Variants in GALNT14 observed in about 807,000 individuals in gnomAD.
The protein encoded by GALNT14 is UDP-GalNAc:polypeptide N-acetylgalactosaminyltransferase 14.
GALNT14 carries 60 observed loss-of-function variants against 77.5 expected under a neutral mutation model. The ratio of observed to expected loss-of-function variants is 0.77; its 90% CI spans 0.63 to 0.96. The LOEUF (loss-of-function observed/expected upper bound fraction) is 0.96. Among genes scored for constraint, GALNT14 ranks in the 40% least tolerant of loss-of-function variants. The pLI is 0.00. For synonymous variants in GALNT14, 280 were observed against 281.7 expected (o/e 0.99, Z 0.06); for missense variants, 710 against 731.0 (o/e 0.97, Z 0.33).
At chr2:31,095,069 A>G (rs969595258) in intron 1 of GALNT14, among the ~76,000 whole-genome samples, 2 of 152,208 alleles carry the variant, frequency 1.3e-5, no homozygotes, top group Non-Finnish European at 2.9e-5. Context: ...ACCAGTGATG[A>G]GCTGAGTTAA....
At chr2:31,078,610 T>C (rs771947129) in intron 1 of GALNT14, among the ~76,000 whole-genome samples, 12 of 152,192 alleles carry the variant, frequency 7.9e-5, no homozygotes, top group Non-Finnish European at 1.2e-4. Flanking sequence ...CCCATTCACC[T>C]TGTGCTGTGC....
At chr2:30,945,602 C>A (rs749808994) in intron 7 of GALNT14, among the ~76,000 whole-genome samples, 181 bp downstream of exon 7, 1 of 152,196 alleles carries the variant, frequency 6.6e-6, no homozygotes. Flanking sequence ...CTGCCCACCC[C>A]CTAGCCCTTC....
At chr2:31,040,108 T>G (rs1391027741) in intron 1 of GALNT14, among the ~76,000 whole-genome samples, 1 of 152,218 alleles carries the variant, frequency 6.6e-6, no homozygotes, top group African/African-American at 2.4e-5. Flanking sequence ...AACAAACTGT[T>G]TATTTCTATT....
chr2:30,995,446 G>C (rs1433931435), intron 1 of GALNT14, among the ~76,000 whole-genome samples: 1 of 152,088 alleles, frequency 6.6e-6, no homozygotes, highest in Non-Finnish European at 1.5e-5. Flanking sequence ...TACCATCTAG[G>C]TTTGTGTAAG....
the GALNT14 span, among the ~76,000 whole-genome samples, chr2:30,897,250 G>A: frequency 2.0e-5 from 3 of 152,132 alleles, no homozygotes; most frequent in African/African-American, 7.2e-5. Context: ...AGCTGGGCCA[G>A]GTGTCCAGAG....
intron 1 of GALNT14, among the ~76,000 whole-genome samples, chr2:31,120,703 T>C (rs781143936): frequency 2.6e-5 from 4 of 152,144 alleles, no homozygotes; most frequent in Non-Finnish European, 5.9e-5. Context: ...ACTACAGATG[T>C]GTGTGACCAC....
intron 2 of GALNT14, among the ~76,000 whole-genome samples, chr2:30,977,217 G>A (rs899006141): frequency 1.3e-5 from 2 of 151,870 alleles, no homozygotes; most frequent in Non-Finnish European, 2.9e-5. Flanking sequence ...AGCCTCCAGA[G>A]TAGTTGGGAC....
chr2:30,995,011 G>C (rs1453265798), intron 1 of GALNT14, among the ~76,000 whole-genome samples: 1 of 152,092 alleles, frequency 6.6e-6, no homozygotes, highest in Non-Finnish European at 1.5e-5. Flanking sequence ...CGATCTTGAA[G>C]GATGAGTAGG....
intron 1 of GALNT14, chr2:31,073,224 A>G (rs1446448713): frequency 2.6e-5 from 4 of 152,196 alleles, no homozygotes; most frequent in African/African-American, 9.7e-5. Flanking sequence ...GATTTTTGTG[A>G]GGTTTAGATA....
At chr2:30,976,328 C>T (rs1051594888) in intron 2 of GALNT14, among the ~76,000 whole-genome samples, 1 of 152,364 alleles carries the variant, frequency 6.6e-6, no homozygotes, top group South Asian at 2.1e-4. Context: ...ACTCCTCTGG[C>T]TGCATTTAAA....
chr2:30,899,732 C>T, the GALNT14 span, among the ~76,000 whole-genome samples: 25,587 of 152,126 alleles, frequency 0.17, 2,325 homozygotes, highest in Middle Eastern at 0.22. Context: ...TGCACTGTGA[C>T]GGCTTCATTA....
intron 1 of GALNT14, chr2:31,126,598 G>C (rs1479553100): frequency 4.6e-5 from 7 of 152,150 alleles, no homozygotes; most frequent in African/African-American, 1.7e-4. Context: ...TGTTCTTCTG[G>C]ATGCAGAAAC....
At chr2:30,961,320 A>C (rs980149137) in intron 3 of GALNT14, among the ~76,000 whole-genome samples, 1 of 152,198 alleles carries the variant, frequency 6.6e-6, no homozygotes, top group Non-Finnish European at 1.5e-5. Flanking sequence ...ACGCTCCATA[A>C]ATACCAGTAG....
At chr2:30,979,967 A>C (rs560230352) in intron 2 of GALNT14, among the ~76,000 whole-genome samples, 1 of 152,302 alleles carries the variant, frequency 6.6e-6, no homozygotes, top group Admixed American at 6.5e-5. Flanking sequence ...AGTATCTTTC[A>C]AGCACAAATT....
intron 1 of GALNT14, among the ~76,000 whole-genome samples, chr2:31,099,003 C>A (rs550544324): frequency 1.3e-5 from 2 of 152,168 alleles, no homozygotes; most frequent in South Asian, 2.1e-4. Flanking sequence ...GGCAGAGGCA[C>A]AAGAAAATCT....
chr2:30,970,581 T>C (rs190618993), intron 2 of GALNT14, among the ~76,000 whole-genome samples: 3 of 152,156 alleles, frequency 2.0e-5, no homozygotes, highest in African/African-American at 7.2e-5. Context: ...GAAAGGACCA[T>C]GGAGACGACG....
intron 13 of GALNT14, among the ~76,000 whole-genome samples, chr2:30,918,367 A>G (rs1023296810): frequency 7.2e-5 from 11 of 152,158 alleles, no homozygotes; most frequent in Non-Finnish European, 1.0e-4. Context: ...TTGCATGTAA[A>G]ATGAGGATGA....
chr2:30,929,587 AC>A, intron 10 of GALNT14, 100 bp from the exon 11 acceptor site: 1 of 823,868 alleles, frequency 1.2e-6, no homozygotes, highest in Non-Finnish European at 2.0e-6. Context: ...AGTTGGCAAC[AC>A]CACCTAGGTG....
chr2:30,964,314 G>A (rs879333598), intron 3 of GALNT14, among the ~76,000 whole-genome samples: 44 of 152,160 alleles, frequency 2.9e-4, no homozygotes, highest in Admixed American at 5.9e-4. Flanking sequence ...ACATCACAAC[G>A]GCAGGGCTGT....
Sources: allele counts gnomAD v4.1 joint callset (sites outside exome capture counted in the v4.1 genomes callset), GRCh38; gene constraint gnomAD v4.1.1; transcripts MANE v1.5; gene names NCBI Gene and HGNC (gene_info 2026-07-23, HGNC 2026-07-21).